Variants in NALCN observed in about 807,000 individuals in gnomAD.
The protein encoded by NALCN is sodium leak channel NALCN.
NALCN carries 111 observed loss-of-function variants against 225.3 expected under a neutral mutation model. The ratio of observed to expected loss-of-function variants is 0.49; its 90% confidence interval spans 0.42 to 0.58. The LOEUF (loss-of-function observed/expected upper bound fraction) is 0.58, where lower values mean the gene tolerates loss of function less well. Ranked by LOEUF, NALCN falls within the 20% of genes least tolerant of loss-of-function variation. The pLI, the probability that NALCN is intolerant of heterozygous loss-of-function variation, is 0.00. For missense variants in NALCN, 1,378 were observed against 2,202.4 expected, an observed-to-expected ratio of 0.63 and a Z score of 7.49; for synonymous variants, 764 against 769.0, an observed-to-expected ratio of 0.99 and a Z score of 0.11.
intron 28 of NALCN, among the ~76,000 whole-genome samples, chr13:101,095,158 G>A (rs1203813388): frequency 6.6e-6 from 1 of 152,110 alleles, no homozygotes; most frequent in Non-Finnish European, 1.5e-5. Context: ...CAGTGTAAAT[G>A]GGTTTTAAAA....
rs1339444191 is a variant in NALCN at position 101,397,107 on chromosome 13, T to TACAC, written c.109-1743_109-1742insGTGT. Among the ~76,000 whole-genome samples the TACAC allele has an allele frequency of 1.5e-3, 123 of 83,366 alleles. No individual in the cohort carries two copies. The Middle Eastern group carries it at 0.019, about 13-fold the overall frequency. The allele number at this position is 83,366 out of a possible 152,430, so 54.7% of individuals were successfully genotyped here. A position where few individuals can be genotyped will look rare whatever the true frequency, so the allele number is the denominator to read the frequency against. ...ATATATATATATATATATATATATA[T>TACAC]ATACATACACATACATATATATAAT... On this transcript the variant is annotated intron_variant, in intron 2 of 43. Coordinates refer to ENST00000251127, the MANE Select transcript of NALCN (RefSeq NM_052867.4).
chr13:101,271,796 T>C (rs904088909), intron 10 of NALCN, among the ~76,000 whole-genome samples: 1 of 151,894 alleles, frequency 6.6e-6, no homozygotes, highest in South Asian at 2.1e-4. Context: ...TCTGTGTGCA[T>C]GCATGTGTGT....
intron 1 of NALCN, among the ~76,000 whole-genome samples, chr13:101,399,949 A>G (rs1231794976): frequency 6.6e-6 from 1 of 152,168 alleles, no homozygotes; most frequent in Non-Finnish European, 1.5e-5. Flanking sequence ...CAAATAGCAA[A>G]TAAGTGCAAT....
chr13:101,397,651 A>G (rs911229842), intron 2 of NALCN, among the ~76,000 whole-genome samples: 10 of 151,554 alleles, frequency 6.6e-5, no homozygotes, highest in Non-Finnish European at 1.3e-4. Flanking sequence ...TGTGTATATA[A>G]CATGTATATA....
intron 10 of NALCN, among the ~76,000 whole-genome samples, chr13:101,279,445 A>G (rs1266721491): frequency 6.6e-6 from 1 of 152,264 alleles, no homozygotes; most frequent in African/African-American, 2.4e-5. Context: ...TTGAAAGAAG[A>G]TTTCAAGTAA....
At chr13:101,363,117 T>C (rs908662954) in intron 6 of NALCN, among the ~76,000 whole-genome samples, 1 of 152,154 alleles carries the variant, frequency 6.6e-6, no homozygotes, top group Admixed American at 6.6e-5. Flanking sequence ...AGATATTCGA[T>C]GCTCATGAAT....
chr13:101,281,322 A>C (rs1163827516), intron 10 of NALCN, among the ~76,000 whole-genome samples: 2 of 152,148 alleles, frequency 1.3e-5, no homozygotes, highest in Non-Finnish European at 2.9e-5. Context: ...TCTCAAGCAT[A>C]CTGTAAGCTC....
chr13:101,122,064 C>A (rs2036005945), intron 18 of NALCN, among the ~76,000 whole-genome samples: 2 of 151,822 alleles, frequency 1.3e-5, no homozygotes, highest in Non-Finnish European at 2.9e-5. Context: ...TGACATGGAC[C>A]CAATCTATTC....
chr13:101,352,316 G>C (rs2139327808), intron 6 of NALCN, among the ~76,000 whole-genome samples: 1 of 152,232 alleles, frequency 6.6e-6, no homozygotes, highest in East Asian at 1.9e-4. Context: ...GGTGGGTACT[G>C]GGAAAACCTT....
chr13:101,414,220 C>A (rs1217418587), intron 1 of NALCN, among the ~76,000 whole-genome samples: 1 of 152,108 alleles, frequency 6.6e-6, no homozygotes, highest in Admixed American at 6.5e-5. Context: ...AGCTCACTAT[C>A]ATAGTTTCCA....
At chr13:101,293,570 G>A (rs767341900) in intron 7 of NALCN, among the ~76,000 whole-genome samples, 13 of 152,118 alleles carry the variant, frequency 8.5e-5, no homozygotes, top group Non-Finnish European at 1.3e-4. Context: ...TAGTTACACA[G>A]AAATTTAAAC....
intron 13 of NALCN, among the ~76,000 whole-genome samples, chr13:101,195,563 A>T (rs1243769831): frequency 6.6e-6 from 1 of 152,290 alleles, no homozygotes; most frequent in East Asian, 1.9e-4. Context: ...AATCAGTTTA[A>T]ATCTGAAATT....
intron 7 of NALCN, among the ~76,000 whole-genome samples, chr13:101,335,313 T>A (rs1028893884): frequency 2.0e-5 from 3 of 152,146 alleles, no homozygotes; most frequent in Non-Finnish European, 4.4e-5. Flanking sequence ...CTAATTTCAG[T>A]TTAAGTAAGT....
At chr13:101,266,897 A>G (rs1426911749) in intron 10 of NALCN, among the ~76,000 whole-genome samples, 2 of 152,238 alleles carry the variant, frequency 1.3e-5, no homozygotes, top group African/African-American at 4.8e-5. Flanking sequence ...GTCCAATACA[A>G]AGAATTTATA....
In NALCN at chr13:101,125,354, TAATA is replaced by T. The variant is rs201453429; in HGVS notation, c.2119-677_2119-674del. Among the ~76,000 whole-genome samples, 45 of 152,206 alleles carry T rather than the reference TAATA, an allele frequency of 3.0e-4. No homozygotes were observed. In the East Asian group the frequency reaches 8.5e-3, roughly 29 times the overall value. ...CAAATGGGCCACTATGTTCTCATAATAATAAATAAATAACTAGATTCACAATAAT... is the reference window on the plus strand; with the variant it reads ...CAAATGGGCCACTATGTTCTCATAATAATAAATAACTAGATTCACAATAAT... On this transcript the variant is annotated intron_variant, in intron 17 of 43. Coordinates refer to ENST00000251127, the MANE Select transcript of NALCN (RefSeq NM_052867.4).
intron 11 of NALCN, among the ~76,000 whole-genome samples, chr13:101,250,496 T>A (rs1211287301): frequency 6.6e-6 from 1 of 151,896 alleles, no homozygotes; most frequent in Non-Finnish European, 1.5e-5. Flanking sequence ...ATGACAGAAA[T>A]TGCACTACAG....
intron 1 of NALCN, among the ~76,000 whole-genome samples, chr13:101,400,544 A>T (rs900565578): frequency 5.2e-5 from 7 of 135,150 alleles, no homozygotes; most frequent in Non-Finnish European, 3.4e-5. Flanking sequence ...ACATGTTTGC[A>T]GTGTGTGTGT....
At chr13:101,140,808 C>T (rs980288088) in intron 17 of NALCN, among the ~76,000 whole-genome samples, 4 of 152,092 alleles carry the variant, frequency 2.6e-5, no homozygotes, top group African/African-American at 4.8e-5. Context: ...CCTATAGTCC[C>T]GGCTACTCGG....
At chr13:101,105,054 A>C in intron 22 of NALCN, 104 bp from the exon 23 acceptor site, 1 of 956,300 alleles carries the variant, frequency 1.0e-6, no homozygotes, top group Non-Finnish European at 1.6e-6. Flanking sequence ...TCTCTTTTAC[A>C]GCCTCTCTAC....
Sources: allele counts gnomAD v4.1 joint callset (sites outside exome capture counted in the v4.1 genomes callset), GRCh38; gene constraint gnomAD v4.1.1; transcripts MANE v1.5; gene names NCBI Gene and HGNC (gene_info 2026-07-23, HGNC 2026-07-21).